Variants in DDI2 observed in about 807,000 individuals in gnomAD.
The protein encoded by DDI2 is protein DDI1 homolog 2.
Under a neutral mutation model 48.1 loss-of-function variants are expected in DDI2, and 5 were observed. The ratio of observed to expected loss-of-function variants is 0.10; its 90% CI spans 0.05 to 0.22. The LOEUF is 0.22. DDI2 is among the 10% of genes least tolerant of loss of function. The probability of loss-of-function intolerance (pLI) is 1.00; values close to 1 mark genes in which losing one functional copy is unlikely to be tolerated. For synonymous variants in DDI2, 205 were observed against 183.6 expected, an observed-to-expected ratio of 1.12 and a Z score of -0.94; for missense variants, 285 against 506.2, an observed-to-expected ratio of 0.56 and a Z score of 4.19.
At position 15,651,747 on chromosome 1, in the gene DDI2, C is replaced by T. The variant is rs1376178316; in HGVS notation, c.1035C>T (p.Thr345=). 6.2e-7 allele frequency: 1 copy of T among 1,613,384 alleles called. No individual in the cohort carries two copies. Among genetic ancestry groups the T allele is most frequent in the African/African-American group, 1.3e-5 (1 of 74,990 alleles). Residue 345 remains threonine (T), a synonymous_variant, in exon 8 of 10, where the codon ACC becomes ACT. Coordinates refer to ENST00000480945, the MANE Select transcript of DDI2 (RefSeq NM_032341.5). ...AGAAAAATGTACTCGTGATCGGCAC[C>T]ACAGGCTCCCAGACCACCTTTCTTC... ...DLKKNVLVIG[T]TGSQTTFLPE... is the part of the protein sequence containing the mutation.
At chr1:15,644,024 G>A (rs1640048504) in intron 6 of DDI2, among the ~76,000 whole-genome samples, 1 of 152,122 alleles carries the variant, frequency 6.6e-6, no homozygotes, top group Non-Finnish European at 1.5e-5. Context: ...AATTGAATGT[G>A]ATTGCTTTTC....
chr1:15,660,663 A>G lies in DDI2; in HGVS notation c.*873A>G. On this transcript the variant is annotated 3_prime_UTR_variant, in exon 10 of 10. Coordinates refer to ENST00000480945, the MANE Select transcript of DDI2 (RefSeq NM_032341.5). Reference sequence around the variant, plus strand: ...CCCTAGTTACTTTGCTTAATTCAACAGGCAGGCAGAATGCCAATGTCAAGA... The same window carrying G: ...CCCTAGTTACTTTGCTTAATTCAACGGGCAGGCAGAATGCCAATGTCAAGA... 2 of 1,614,224 alleles carry G rather than the reference A, an allele frequency of 1.2e-6. No homozygotes were observed. The highest frequency in any genetic ancestry group is 1.7e-6 in the Non-Finnish European group (2 of 1,180,048).
chr1:15,645,160 T>G (rs1226571580), intron 6 of DDI2, among the ~76,000 whole-genome samples: 1 of 152,208 alleles, frequency 6.6e-6, no homozygotes, highest in African/African-American at 2.4e-5. Flanking sequence ...CCCAGAGTGC[T>G]GGGATTATGG....
At position 15,661,398 on chromosome 1, in the gene DDI2, A is replaced by G; in HGVS notation, c.*1608A>G. On this transcript the variant is annotated 3_prime_UTR_variant, in exon 10 of 10. Coordinates refer to ENST00000480945, the MANE Select transcript of DDI2 (RefSeq NM_032341.5). ...ATGCACTCAATCAGACTTCTGAGCA[A>G]ACTAAGTCTTTGTCATCCAATTTCA... 1 of 1,614,222 alleles carries G rather than the reference A, an allele frequency of 6.2e-7. No individual in the cohort carries two copies. The highest frequency in any genetic ancestry group is 8.5e-7 in the Non-Finnish European group (1 of 1,180,044).
At chr1:15,649,484 G>A (rs772035251) in intron 6 of DDI2, among the ~76,000 whole-genome samples, 3 of 152,022 alleles carry the variant, frequency 2.0e-5, no homozygotes, top group African/African-American at 4.8e-5. Context: ...CAGCCTGACC[G>A]ACATGGCAAA....
Position 15,664,046 on chromosome 1 carries a change from A to G in DDI2, c.*4256A>G, listed in dbSNP as rs1640416508. ...GGAATACTCTGAATGAGCTTAACCC[A>G]CTTGCCAAATATCCTTGTCCCTTCC... On this transcript the variant is annotated 3_prime_UTR_variant, in exon 10 of 10. Coordinates refer to ENST00000480945, the MANE Select transcript of DDI2 (RefSeq NM_032341.5). 6.6e-6 allele frequency: 1 copy of G among 152,160 alleles called. No individual in the cohort carries two copies. The highest frequency in any genetic ancestry group is 6.5e-5 in the Admixed American group (1 of 15,270). The allele number at this position is 152,160 out of a possible 1,614,324, so 9.4% of individuals were successfully genotyped here. A position where few individuals can be genotyped will look rare whatever the true frequency, so the allele number is the denominator to read the frequency against.
intron 3 of DDI2, among the ~76,000 whole-genome samples, chr1:15,632,193 T>G (rs1639856784): frequency 6.6e-6 from 1 of 152,210 alleles, no homozygotes; most frequent in Admixed American, 6.5e-5. Context: ...CATAATATCT[T>G]TTAATCTCTT....
chr1:15,633,712 C>T, intron 4 of DDI2, 147 bp downstream of exon 4: 3 of 1,184,972 alleles, frequency 2.5e-6, no homozygotes, highest in South Asian at 2.4e-5. Flanking sequence ...AGGTTAGTCT[C>T]TCCTCTTTCA....
chr1:15,652,058 CTTTTTTTT>C lies in DDI2; in HGVS notation c.1183+180_1183+187del, dbSNP rs772990709. Reference sequence around the variant, plus strand: ...TTCTTAACCTCCTTCTTTGATCTTCCTTTTTTTTTTTTTTTTTTTTTTTTGGAGACATT... The same window carrying C: ...TTCTTAACCTCCTTCTTTGATCTTCCTTTTTTTTTTTTTTTTGGAGACATT... On this transcript the variant is annotated intron_variant, in intron 8 of 9. Transcript: ENST00000480945. 5.9e-3 allele frequency among the ~76,000 whole-genome samples: 449 copies of C among 76,004 alleles called. 5 individuals carry two copies. The highest frequency in any genetic ancestry group is 0.028 in the African/African-American group (421 of 15,248). 49.9% of individuals were successfully genotyped at this position (76,004 alleles called of 152,430 possible).
intron 5 of DDI2, among the ~76,000 whole-genome samples, chr1:15,638,786 T>C (rs2103470428): frequency 6.6e-6 from 1 of 152,256 alleles, no homozygotes; most frequent in African/African-American, 2.4e-5. Context: ...CCACCGTGCC[T>C]GGCCCAGATG....
In DDI2 at chr1:15,664,207, T is replaced by A. The variant is rs1278352753; in HGVS notation, c.*4417T>A. 6.6e-6 allele frequency: 1 copy of A among 152,156 alleles called. No individual in the cohort carries two copies. Among genetic ancestry groups the A allele is most frequent in the Non-Finnish European group, 1.5e-5 (1 of 68,024 alleles). 9.4% of individuals were successfully genotyped at this position (152,156 alleles called of 1,614,324 possible). The stretch of plus-strand genomic sequence containing the variant: ...TTGCTTTTGATTTTTAAAATCTTCT[T>A]GCCCATCATTTTTATAAAAATAAAG... On this transcript the variant is annotated 3_prime_UTR_variant, in exon 10 of 10. Transcript: ENST00000480945.
chr1:15,633,870 C>A, intron 4 of DDI2: 1 of 459,258 alleles, frequency 2.2e-6, no homozygotes. Flanking sequence ...TGAGCAGAAG[C>A]CACCATCTGG....
intron 6 of DDI2, among the ~76,000 whole-genome samples, chr1:15,646,675 G>GA (rs1388900117): frequency 6.6e-6 from 1 of 151,554 alleles, no homozygotes; most frequent in East Asian, 1.9e-4. Context: ...CAATAAGAGT[G>GA]AAACTCCATC....
At chr1:15,631,091 C>T (rs1639836862) in intron 3 of DDI2, among the ~76,000 whole-genome samples, 1 of 152,198 alleles carries the variant, frequency 6.6e-6, no homozygotes, top group Non-Finnish European at 1.5e-5. Flanking sequence ...GATCCGCCTG[C>T]CTCGGCCTCC....
chr1:15,636,392 G>A (rs58537397), intron 4 of DDI2, among the ~76,000 whole-genome samples: 5,539 of 151,950 alleles, frequency 0.036, 337 homozygotes, highest in African/African-American at 0.13. Context: ...AGAGTGCTTG[G>A]ATTATAGGTG....
intron 8 of DDI2, among the ~76,000 whole-genome samples, chr1:15,652,930 G>C (rs1266554402): frequency 2.0e-5 from 3 of 152,032 alleles, no homozygotes; most frequent in South Asian, 2.1e-4. Flanking sequence ...GCTTGAACTT[G>C]GGAGGCGGAG....
chr1:15,618,941 C>G (rs1421728001), intron 1 of DDI2, among the ~76,000 whole-genome samples: 3 of 152,192 alleles, frequency 2.0e-5, no homozygotes, highest in African/African-American at 7.2e-5. Flanking sequence ...ATACTTTGTT[C>G]AGAAGTATGA....
At chr1:15,622,187 A>G (rs1317052678) in intron 1 of DDI2, among the ~76,000 whole-genome samples, 4 of 146,454 alleles carry the variant, frequency 2.7e-5, no homozygotes, top group Admixed American at 2.0e-4. Flanking sequence ...GATCCTCCCA[A>G]GTAGCTGCGA....
At chr1:15,631,186 T>A (rs12078138) in intron 3 of DDI2, among the ~76,000 whole-genome samples, 5,103 of 146,990 alleles carry the variant, frequency 0.035, 289 homozygotes, top group African/African-American at 0.12. Flanking sequence ...ATTAAAGAGA[T>A]CATCAACAAG....
Sources: gnomAD v4.1 joint callset for allele counts (sites outside exome capture counted in the v4.1 genomes callset) on GRCh38, gnomAD v4.1.1 for gene constraint, MANE v1.5 for transcripts, NCBI Gene and HGNC (gene_info 2026-07-23, HGNC 2026-07-21) for gene names.